The following KIAA1217 variants were observed in gnomAD, a reference collection of about 807,000 sequenced individuals.
KIAA1217 encodes the protein sickle tail protein homolog.
KIAA1217 carries 88 observed loss-of-function variants against 163.9 expected under a neutral mutation model. The observed-to-expected ratio is 0.54, with a 90% CI of 0.45 to 0.64. The LOEUF (loss-of-function observed/expected upper bound fraction) is 0.64, where lower values mean the gene tolerates loss of function less well. Among genes scored for constraint, KIAA1217 ranks in the 30% least tolerant of loss-of-function variants. The pLI, the probability that KIAA1217 is intolerant of heterozygous loss-of-function variation, is 0.00. For missense variants in KIAA1217, 2,372 were observed against 2,475.0 expected, an observed-to-expected ratio of 0.96 and a Z score of 0.88; for synonymous variants, 903 against 923.1, an observed-to-expected ratio of 0.98 and a Z score of 0.39.
At chr10:24,158,273 C>T (rs756432767) in intron 2 of KIAA1217, 6 of 716,244 alleles carry the variant, frequency 8.4e-6, no homozygotes, top group African/African-American at 1.7e-5. Context: ...TGAAAGATGA[C>T]ATTTTCTCCT....
intron 1 of KIAA1217, among the ~76,000 whole-genome samples, chr10:23,894,250 C>T (rs1459602280): frequency 6.6e-6 from 1 of 151,446 alleles, no homozygotes; most frequent in Non-Finnish European, 1.5e-5. Context: ...CCCATTGTCT[C>T]AGCCCAAAAT....
At chr10:24,215,326 C>T (rs1453180806) in intron 1 of KIAA1217, among the ~76,000 whole-genome samples, 1 of 152,222 alleles carries the variant, frequency 6.6e-6, no homozygotes, top group Non-Finnish European at 1.5e-5. Context: ...GACTGCCTTT[C>T]AGCAAGCCCA....
intron 2 of KIAA1217, among the ~76,000 whole-genome samples, chr10:24,313,345 G>C (rs532189034): frequency 6.6e-6 from 1 of 152,202 alleles, no homozygotes; most frequent in Non-Finnish European, 1.5e-5. Flanking sequence ...ACGTGACAAA[G>C]TGCTCTTACT....
chr10:24,377,766 A>C lies in KIAA1217; in HGVS notation c.355-3103A>C, dbSNP rs559347041. On this transcript the variant is annotated intron_variant, in intron 2 of 20. Coordinates refer to ENST00000376454, the MANE Select transcript of KIAA1217 (RefSeq NM_019590.5). ...AACTATGATTATGGAAATAAGCTCC[A>C]GAGAGTTTAGCTTTCTCCATGGTTC... 4.6e-5 allele frequency among the ~76,000 whole-genome samples: 7 copies of C among 152,342 alleles called. No individual in the cohort carries two copies. The South Asian group carries it at 6.2e-4, about 14-fold the overall frequency.
intron 2 of KIAA1217, chr10:24,255,544 G>A (rs1377459050): frequency 1.3e-5 from 6 of 455,912 alleles, no homozygotes; most frequent in Non-Finnish European, 2.2e-5. Context: ...AAGAAAGGAG[G>A]CATCACATGT....
chr10:24,424,442 A>C (rs1369817804), intron 3 of KIAA1217, among the ~76,000 whole-genome samples: 1 of 152,216 alleles, frequency 6.6e-6, no homozygotes, highest in Non-Finnish European at 1.5e-5. Flanking sequence ...ATTGAGTGAG[A>C]CTTTTTTGAT....
chr10:23,876,282 G>C (rs537854283), intron 1 of KIAA1217, among the ~76,000 whole-genome samples: 101 of 151,712 alleles, frequency 6.7e-4, no homozygotes, highest in African/African-American at 2.3e-3. Flanking sequence ...ACAACACTGG[G>C]TACTCATAGA....
chr10:23,801,163 A>G (rs1051516105), intron 1 of KIAA1217, among the ~76,000 whole-genome samples: 1 of 152,220 alleles, frequency 6.6e-6, no homozygotes, highest in African/African-American at 2.4e-5. Context: ...GGATGAGTTC[A>G]TGTCCTTTGC....
chr10:24,546,544 T>C lies in KIAA1217; in HGVS notation c.*220T>C, dbSNP rs1268429505. 1 of 494,008 alleles carries C rather than the reference T, an allele frequency of 2.0e-6. No individual in the cohort carries two copies. The highest frequency in any genetic ancestry group is 3.4e-5 in the East Asian group (1 of 29,786). 30.6% of individuals were successfully genotyped at this position (494,008 alleles called of 1,614,324 possible). Reference sequence around the variant, plus strand: ...TATAGTGTCTACAGTCTATACTCAATACCTATAAAATGCAGTAAGCATGTG... The same window carrying C: ...TATAGTGTCTACAGTCTATACTCAACACCTATAAAATGCAGTAAGCATGTG... On this transcript the variant is annotated 3_prime_UTR_variant, in exon 21 of 21. Coordinates refer to ENST00000376454, the MANE Select transcript of KIAA1217 (RefSeq NM_019590.5).
chr10:24,237,557 A>G (rs1025879434), intron 2 of KIAA1217, among the ~76,000 whole-genome samples: 3 of 152,254 alleles, frequency 2.0e-5, no homozygotes, highest in African/African-American at 4.8e-5. Flanking sequence ...GGCATAATTT[A>G]TAACCACTCT....
intron 1 of KIAA1217, among the ~76,000 whole-genome samples, chr10:23,739,630 G>A (rs916140663): frequency 6.6e-6 from 1 of 152,106 alleles, no homozygotes; most frequent in Admixed American, 6.6e-5. Flanking sequence ...TACATGAGAT[G>A]GGAATGTGTG....
At chr10:24,145,037 C>A (rs527561495) in intron 2 of KIAA1217, among the ~76,000 whole-genome samples, 1 of 152,278 alleles carries the variant, frequency 6.6e-6, no homozygotes, top group South Asian at 2.1e-4. Flanking sequence ...CATTATAGAT[C>A]AAAGAATACT....
intron 2 of KIAA1217, among the ~76,000 whole-genome samples, chr10:24,319,199 G>A (rs946243929): frequency 1.3e-5 from 2 of 152,024 alleles, no homozygotes; most frequent in Admixed American, 6.6e-5. Context: ...CCAACATGGC[G>A]AAACACCGTC....
intron 5 of KIAA1217, among the ~76,000 whole-genome samples, chr10:24,450,195 G>A (rs549418291): frequency 1.3e-5 from 2 of 152,322 alleles, no homozygotes; most frequent in South Asian, 2.1e-4. Context: ...AGCAAGGAGG[G>A]AAATTCATAT....
At chr10:24,436,574 C>T (rs1009229361) in intron 4 of KIAA1217, among the ~76,000 whole-genome samples, 5 of 151,120 alleles carry the variant, frequency 3.3e-5, no homozygotes, top group Admixed American at 6.6e-5. Context: ...CTGGTTAACA[C>T]AGTGAAAACC....
chr10:23,695,536 G>A lies in KIAA1217; in HGVS notation c.-321+302G>A, dbSNP rs1376760206. Among the ~76,000 whole-genome samples the A allele has an allele frequency of 6.6e-6, 1 of 152,160 alleles. No homozygotes were observed. The highest frequency in any genetic ancestry group is 2.4e-5 in the African/African-American group (1 of 41,464). The stretch of plus-strand genomic sequence containing the variant: ...GGATGTGGGGAGAGTGAAGGTGGAG[G>A]CAGTCACACCTATCCTGGTGACCTT... On this transcript the variant is annotated intron_variant, in intron 1 of 18. Transcript: ENST00000376462. The surrounding 1 kb of genome is among the most constrained non-coding windows in gnomAD (Gnocchi z 4.9).
chr10:24,533,864 C>G (rs2073519226), intron 16 of KIAA1217, among the ~76,000 whole-genome samples: 1 of 152,194 alleles, frequency 6.6e-6, no homozygotes, highest in South Asian at 2.1e-4. Context: ...GATGGCGTGC[C>G]AAGGCTGTGC....
intron 2 of KIAA1217, among the ~76,000 whole-genome samples, chr10:24,193,009 T>G (rs778193733): frequency 1.3e-5 from 2 of 152,102 alleles, no homozygotes; most frequent in Non-Finnish European, 2.9e-5. Context: ...CTTAAACTCC[T>G]GGGCTTAAGC....
intron 2 of KIAA1217, among the ~76,000 whole-genome samples, chr10:24,296,523 T>C (rs2040633588): frequency 6.6e-6 from 1 of 151,844 alleles, no homozygotes; most frequent in African/African-American, 2.4e-5. Context: ...TGGATAGCTA[T>C]TGAACAACTA....
Sources: gnomAD v4.1 joint callset for allele counts (sites outside exome capture counted in the v4.1 genomes callset) on GRCh38, gnomAD v4.1.1 for gene constraint, Gnocchi (gnomAD v3.1) non-coding constraint, MANE v1.5 for transcripts, NCBI Gene and HGNC (gene_info 2026-07-23, HGNC 2026-07-21) for gene names.